The following TRAPPC13 variants were observed in gnomAD, a reference collection of about 807,000 sequenced individuals.
The protein encoded by TRAPPC13 is trafficking protein particle complex subunit 13.
Under a neutral mutation model 54.0 loss-of-function variants are expected in TRAPPC13, and 39 were observed. That is an observed-to-expected ratio of 0.72 (90% CI 0.56 to 0.94). The LOEUF is 0.94. Ranked by LOEUF, TRAPPC13 falls within the 40% of genes least tolerant of loss-of-function variation. The pLI, the probability that TRAPPC13 is intolerant of heterozygous loss-of-function variation, is 0.00. For missense variants in TRAPPC13, 386 were observed against 488.1 expected (o/e 0.79, Z 1.97); for synonymous variants, 148 against 167.7 (o/e 0.88, Z 0.91).
At chr5:65,646,137 T>C (rs1323983500) in intron 4 of TRAPPC13, among the ~76,000 whole-genome samples, 1 of 151,596 alleles carries the variant, frequency 6.6e-6, no homozygotes, top group Non-Finnish European at 1.5e-5. Flanking sequence ...TGATAAATGT[T>C]ACAAAGGAAG....
At chr5:65,638,701 C>T (rs536152911) in intron 4 of TRAPPC13, among the ~76,000 whole-genome samples, 2 of 152,200 alleles carry the variant, frequency 1.3e-5, no homozygotes, top group African/African-American at 2.4e-5. Flanking sequence ...ACAATCATGG[C>T]GGAAGGCAAG....
At chr5:65,643,752 G>C (rs1429465985) in intron 4 of TRAPPC13, among the ~76,000 whole-genome samples, 1 of 149,866 alleles carries the variant, frequency 6.7e-6, no homozygotes, top group Non-Finnish European at 1.5e-5. Context: ...GGGAGGCAGA[G>C]CTTGCAGTGA....
At chr5:65,643,733 C>T (rs1756068165) in intron 4 of TRAPPC13, among the ~76,000 whole-genome samples, 1 of 148,404 alleles carries the variant, frequency 6.7e-6, no homozygotes, top group Non-Finnish European at 1.5e-5. Context: ...AGAAGAATGG[C>T]GTGAACCCGG....
Position 65,635,321 on chromosome 5 carries a change from A to G in TRAPPC13, c.67A>G (p.Thr23Ala), listed in dbSNP as rs1448149930. 6 of 1,613,624 alleles carry G rather than the reference A, an allele frequency of 3.7e-6. No homozygotes were observed. Among genetic ancestry groups the G allele is most frequent in the South Asian group, 1.1e-5 (1 of 90,998 alleles). Residue 23 changes from threonine (T) to alanine (A), a missense_variant, in exon 2 of 13, where the codon ACT becomes GCT. Coordinates refer to ENST00000399438, the MANE Select transcript of TRAPPC13 (RefSeq NM_024941.4). ...CACAGTGATGCGGCTGACTAAGCCTACTTTATTCACCAATATCCCAGTAAC... is the reference window on the plus strand; with the variant it reads ...CACAGTGATGCGGCTGACTAAGCCTGCTTTATTCACCAATATCCCAGTAAC... ...ALKVMRLTKP[T>A]LFTNIPVTCE...
intron 4 of TRAPPC13, among the ~76,000 whole-genome samples, chr5:65,639,365 A>T (rs1755881468): frequency 7.2e-6 from 1 of 138,918 alleles, no homozygotes; most frequent in East Asian, 1.9e-4. Context: ...ATTAATTAAG[A>T]AAAAAAAAAA....
At chr5:65,629,844 G>A in intron 1 of TRAPPC13, 19 of 1,536,068 alleles carry the variant, frequency 1.2e-5, no homozygotes, top group Non-Finnish European at 1.7e-5. Flanking sequence ...AGTTATGATT[G>A]CACAGTAGAT....
Position 65,635,985 on chromosome 5 carries a change from G to A in TRAPPC13, c.157G>A (p.Val53Ile), listed in dbSNP as rs370490160. 5.0e-5 allele frequency: 80 copies of A among 1,601,812 alleles called. No homozygotes were observed. The highest frequency in any genetic ancestry group is 4.0e-4 in the African/African-American group (30 of 74,928). ...GCTGATGAGAGATGATCCTTCAACC[G>A]TTAATGGTGCAGAAGTTTTAATGTT... Reference protein sequence around the residue: ...NQLMRDDPSTVNGAEVLMLGE... With the variant: ...NQLMRDDPSTINGAEVLMLGE... The change falls in exon 3 of 13, where the codon GTT (valine) becomes ATT (isoleucine). Residue 53 changes from valine (V) to isoleucine (I), a missense_variant. Coordinates refer to ENST00000399438, the MANE Select transcript of TRAPPC13 (RefSeq NM_024941.4).
intron 4 of TRAPPC13, among the ~76,000 whole-genome samples, chr5:65,644,242 C>A (rs1756094520): frequency 1.3e-5 from 2 of 152,048 alleles, no homozygotes; most frequent in Admixed American, 1.3e-4. Context: ...TAGACCCTTT[C>A]AATATGGGTC....
At chr5:65,635,392 T>A in intron 2 of TRAPPC13, 23 bp downstream of exon 2, 1 of 1,596,728 alleles carries the variant, frequency 6.3e-7, no homozygotes, top group Non-Finnish European at 8.6e-7. Flanking sequence ...CTTTCCTCTA[T>A]TTGCACCTAG....
chr5:65,635,374 G>A lies in TRAPPC13; in HGVS notation c.115+5G>A, dbSNP rs1755709843. 8.1e-6 allele frequency: 13 copies of A among 1,611,384 alleles called. No individual in the cohort carries two copies. The highest frequency in any genetic ancestry group is 1.3e-5 in the African/African-American group (1 of 75,000). On this transcript the variant is annotated splice_donor_5th_base_variant and intron_variant, in intron 2 of 12. Coordinates refer to ENST00000399438, the MANE Select transcript of TRAPPC13 (RefSeq NM_024941.4). ...GTGAAGAGAAAGACTTACCTGGTAT[G>A]GCACATGCTTTCCTCTATTTGCACC...
intron 1 of TRAPPC13, chr5:65,629,322 T>C (rs1004784954): frequency 4.7e-6 from 2 of 428,032 alleles, no homozygotes; most frequent in Non-Finnish European, 7.3e-6. Flanking sequence ...TTCAGGTTTG[T>C]AGATTACATT....
chr5:65,626,652 C>T (rs1330228975), intron 1 of TRAPPC13, among the ~76,000 whole-genome samples: 1 of 151,626 alleles, frequency 6.6e-6, no homozygotes, highest in African/African-American at 2.4e-5. Context: ...AGGAGAATGG[C>T]GTGAACCCGG....
intron 1 of TRAPPC13, chr5:65,630,143 A>G (rs1224756191): frequency 2.6e-6 from 4 of 1,536,066 alleles, no homozygotes; most frequent in Admixed American, 2.0e-5. Flanking sequence ...AGACATTTGG[A>G]CAAAACTCAA....
At chr5:65,646,096 A>ACAAAAT (rs891356096) in intron 4 of TRAPPC13, among the ~76,000 whole-genome samples, 27 of 152,336 alleles carry the variant, frequency 1.8e-4, no homozygotes, top group African/African-American at 6.3e-4. Flanking sequence ...AAACAGGTAA[A>ACAAAAT]CAAAATCATA....
chr5:65,650,917 T>C (rs763594747), intron 6 of TRAPPC13, 35 bp downstream of exon 6: 2 of 1,453,708 alleles, frequency 1.4e-6, no homozygotes, highest in Non-Finnish European at 9.6e-7. Context: ...AGTTTTTATA[T>C]GCCTTTTTCT....
intron 1 of TRAPPC13, among the ~76,000 whole-genome samples, chr5:65,628,461 ATT>A (rs753065631): frequency 4.9e-5 from 7 of 143,492 alleles, no homozygotes; most frequent in Admixed American, 7.0e-5. Flanking sequence ...AATCCATATA[ATT>A]TTTTTTTTTT....
intron 5 of TRAPPC13, among the ~76,000 whole-genome samples, chr5:65,649,519 T>C (rs1441316234): frequency 1.3e-5 from 2 of 152,224 alleles, no homozygotes; most frequent in Non-Finnish European, 2.9e-5. Context: ...TTTTCAACTC[T>C]TGATAAATGG....
chr5:65,631,809 A>G (rs1253670181), intron 1 of TRAPPC13, among the ~76,000 whole-genome samples: 2 of 152,160 alleles, frequency 1.3e-5, no homozygotes, highest in African/African-American at 4.8e-5. Flanking sequence ...AACCACAGGA[A>G]TCATGAAAAA....
chr5:65,646,413 C>T (rs1756209342), intron 4 of TRAPPC13, among the ~76,000 whole-genome samples: 1 of 152,154 alleles, frequency 6.6e-6, no homozygotes, highest in Non-Finnish European at 1.5e-5. Context: ...CACATACATA[C>T]ATATCTATTT....
Sources: allele counts gnomAD v4.1 joint callset (sites outside exome capture counted in the v4.1 genomes callset), GRCh38; gene constraint gnomAD v4.1.1; transcripts MANE v1.5; gene names NCBI Gene and HGNC (gene_info 2026-07-23, HGNC 2026-07-21).